Variants in SNTG1 observed in about 807,000 individuals in gnomAD.
SNTG1 encodes syntrophin gamma 1.
Under a neutral mutation model 74.7 loss-of-function variants are expected in SNTG1, and 39 were observed. That is an observed-to-expected ratio of 0.52 (90% CI 0.40 to 0.68). The LOEUF (loss-of-function observed/expected upper bound fraction) is 0.68, where lower values mean the gene tolerates loss of function less well. Ranked by LOEUF, SNTG1 falls within the 30% of genes least tolerant of loss-of-function variation. SNTG1 has a pLI of 0.00. For missense variants in SNTG1, 685 were observed against 609.5 expected, an observed-to-expected ratio of 1.12 and a Z score of -1.30; for synonymous variants, 254 against 217.1, an observed-to-expected ratio of 1.17 and a Z score of -1.49.
chr8:50,136,321 A>C (rs575557909), intron 1 of SNTG1, among the ~76,000 whole-genome samples: 1 of 152,184 alleles, frequency 6.6e-6, no homozygotes, highest in East Asian at 1.9e-4. Flanking sequence ...GTTCTTCGAG[A>C]AATTGCCAAA....
At position 50,450,408 on chromosome 8, in the gene SNTG1, T is replaced by G. The variant is rs1225815173; in HGVS notation, c.278-148T>G. On this transcript the variant is annotated intron_variant, in intron 6 of 18. Coordinates refer to ENST00000642720, the MANE Select transcript of SNTG1 (RefSeq NM_018967.5). ...AGACTGAGTCATATTGTTTCGAATTTCCATTTTTTGTGGATCTTTTAAGAT... is the reference window on the plus strand; with the variant it reads ...AGACTGAGTCATATTGTTTCGAATTGCCATTTTTTGTGGATCTTTTAAGAT... 5 of 764,552 alleles carry G rather than the reference T, an allele frequency of 6.5e-6. No individual in the cohort carries two copies. In the African/African-American group the frequency reaches 7.0e-5, roughly 11 times the overall value. 47.4% of individuals were successfully genotyped at this position (764,552 alleles called of 1,614,324 possible). A position where few individuals can be genotyped will look rare whatever the true frequency, so the allele number is the denominator to read the frequency against.
At chr8:50,142,873 A>G (rs997664080) in intron 1 of SNTG1, among the ~76,000 whole-genome samples, 2 of 152,266 alleles carry the variant, frequency 1.3e-5, no homozygotes, top group South Asian at 4.1e-4. Flanking sequence ...GGAGTTTGAA[A>G]CCAGCCTGGC....
chr8:50,641,483 T>C (rs2095072674), intron 13 of SNTG1, among the ~76,000 whole-genome samples: 1 of 152,182 alleles, frequency 6.6e-6, no homozygotes, highest in Admixed American at 6.5e-5. Context: ...CTTGCATTTC[T>C]CTCCCTAATC....
chr8:50,166,807 A>G (rs2082630168), intron 1 of SNTG1, among the ~76,000 whole-genome samples: 1 of 149,332 alleles, frequency 6.7e-6, no homozygotes, highest in Admixed American at 6.6e-5. Flanking sequence ...ATGCTGCTAT[A>G]AAGACACATG....
At chr8:50,295,272 G>A (rs1181431759) in intron 2 of SNTG1, among the ~76,000 whole-genome samples, 2 of 152,014 alleles carry the variant, frequency 1.3e-5, no homozygotes, top group Non-Finnish European at 2.9e-5. Flanking sequence ...ACAAATAATG[G>A]CAACGTTGAT....
intron 1 of SNTG1, among the ~76,000 whole-genome samples, chr8:50,049,346 CA>C (rs1446495085): frequency 1.3e-5 from 2 of 151,870 alleles, no homozygotes; most frequent in Admixed American, 1.3e-4. Context: ...TAACACTAAC[CA>C]AAAGAAAGCT....
intron 1 of SNTG1, among the ~76,000 whole-genome samples, chr8:50,112,868 G>A (rs1187784042): frequency 2.0e-5 from 3 of 152,004 alleles, no homozygotes; most frequent in Non-Finnish European, 2.9e-5. Flanking sequence ...CCCATTTCTT[G>A]TTTTTGTCAG....
chr8:50,504,114 A>G (rs533952358), intron 9 of SNTG1, among the ~76,000 whole-genome samples: 4 of 152,216 alleles, frequency 2.6e-5, no homozygotes, highest in African/African-American at 9.6e-5. Flanking sequence ...TTCCTGTGTT[A>G]GTTTGCTAGG....
Position 50,794,439 on chromosome 8 carries a change from A to G in SNTG1, c.*1610A>G, listed in dbSNP as rs565136016. 1.3e-5 allele frequency: 2 copies of G among 152,156 alleles called. No homozygotes were observed. The highest frequency in any genetic ancestry group is 2.1e-4 in the South Asian group (1 of 4,830). The allele number at this position is 152,156 out of a possible 1,614,324, so 9.4% of individuals were successfully genotyped here. On this transcript the variant is annotated 3_prime_UTR_variant, in exon 19 of 19. Transcript: ENST00000642720. ...CTGGGAAAATGTTAAACTGAATCTA[A>G]CATACCTTACCCAAAGAACTGTGGC...
chr8:50,222,301 G>T (rs1029021260), intron 2 of SNTG1, among the ~76,000 whole-genome samples: 2 of 152,082 alleles, frequency 1.3e-5, no homozygotes, highest in African/African-American at 4.8e-5. Flanking sequence ...CTGAGGGAGG[G>T]GCTACTATCA....
chr8:50,539,495 T>C (rs759690160), intron 11 of SNTG1, among the ~76,000 whole-genome samples: 1 of 152,082 alleles, frequency 6.6e-6, no homozygotes, highest in African/African-American at 2.4e-5. Context: ...TCTACTGACA[T>C]AAGGAAGGAG....
intron 1 of SNTG1, among the ~76,000 whole-genome samples, chr8:50,119,107 CT>C (rs1313211882): frequency 7.1e-6 from 1 of 141,430 alleles, no homozygotes; most frequent in African/African-American, 2.6e-5. Context: ...AACAAAACAC[CT>C]CTGGAAGTAA....
At chr8:50,112,515 C>CT (rs34942560) in intron 1 of SNTG1, among the ~76,000 whole-genome samples, 53,518 of 77,958 alleles carry the variant, frequency 0.69, 18,924 homozygotes, top group South Asian at 0.83. Flanking sequence ...TTAGTTCTTT[C>CT]TTTTTTTTTT....
chr8:50,434,596 T>G (rs1394910727), intron 4 of SNTG1, among the ~76,000 whole-genome samples: 1 of 152,178 alleles, frequency 6.6e-6, no homozygotes, highest in Non-Finnish European at 1.5e-5. Context: ...TGGTGTGAGA[T>G]GGTATATCAT....
intron 8 of SNTG1, among the ~76,000 whole-genome samples, chr8:50,497,371 T>C (rs1037828680): frequency 6.6e-6 from 1 of 152,028 alleles, no homozygotes. Context: ...TCTTTTTGTT[T>C]AATCCTAGAT....
At chr8:50,390,143 T>C (rs6998512) in intron 2 of SNTG1, among the ~76,000 whole-genome samples, 103,330 of 150,416 alleles carry the variant, frequency 0.69, 35,762 homozygotes, top group East Asian at 0.84. Context: ...GTGTTTTAGA[T>C]ATGAAGTCCT....
intron 2 of SNTG1, among the ~76,000 whole-genome samples, chr8:50,337,040 T>C (rs1370304861): frequency 6.6e-6 from 1 of 152,260 alleles, no homozygotes; most frequent in African/African-American, 2.4e-5. Flanking sequence ...ACAGAAAATG[T>C]ATTGATAGTC....
intron 12 of SNTG1, among the ~76,000 whole-genome samples, chr8:50,580,146 C>A (rs143466623): frequency 6.6e-6 from 1 of 152,210 alleles, no homozygotes; most frequent in East Asian, 1.9e-4. Context: ...AGATCATTTT[C>A]GAACCTTAAA....
Position 50,781,770 on chromosome 8 carries a change from G to T in SNTG1, c.1396-10901G>T, listed in dbSNP as rs28822462. Among the ~76,000 whole-genome samples, 564 of 152,046 alleles carry T rather than the reference G, an allele frequency of 3.7e-3. 4 individuals carry two copies. The highest frequency in any genetic ancestry group is 0.013 in the African/African-American group (522 of 41,448). ...TTATGATGTTAGCTGGTTATTGTGC[G>T]CGTTCGTTGATGCAGTTTCTTCCTA... On this transcript the variant is annotated intron_variant, in intron 18 of 18. Transcript: ENST00000642720.
Sources: gnomAD v4.1 joint callset for allele counts (sites outside exome capture counted in the v4.1 genomes callset) on GRCh38, gnomAD v4.1.1 for gene constraint, MANE v1.5 for transcripts, NCBI Gene and HGNC (gene_info 2026-07-23, HGNC 2026-07-21) for gene names.